The following ANO3 variants were observed in gnomAD, a reference collection of about 807,000 sequenced individuals.
ANO3 encodes anoctamin-3.
A neutral mutation model predicts 144.8 loss-of-function variants in ANO3; 99 were observed. That is an observed-to-expected ratio of 0.68 (90% CI 0.58 to 0.81). ANO3 has a LOEUF of 0.81. Ranked by LOEUF, ANO3 falls within the 30% of genes least tolerant of loss-of-function variation. ANO3 has a pLI of 0.00. For synonymous variants in ANO3, 414 were observed against 392.6 expected (o/e 1.05, Z -0.64); for missense variants, 905 against 1,202.2 (o/e 0.75, Z 3.66).
intron 1 of ANO3, among the ~76,000 whole-genome samples, chr11:26,232,107 T>C (rs1852412414): frequency 6.6e-6 from 1 of 152,230 alleles, no homozygotes; most frequent in Admixed American, 6.5e-5. Flanking sequence ...CAATTTTCTT[T>C]CTAGGGAACC....
chr11:26,512,167 T>C (rs1861689032), intron 5 of ANO3, among the ~76,000 whole-genome samples: 1 of 152,206 alleles, frequency 6.6e-6, no homozygotes, highest in Admixed American at 6.5e-5. Flanking sequence ...TGTGTTTCTC[T>C]TAGACTTGAA....
intron 1 of ANO3, among the ~76,000 whole-genome samples, chr11:26,317,465 C>T (rs1054545450): frequency 6.6e-6 from 1 of 151,894 alleles, no homozygotes; most frequent in Non-Finnish European, 1.5e-5. Context: ...TGAACAGACA[C>T]TTCTCAAAAG....
intron 4 of ANO3, among the ~76,000 whole-genome samples, chr11:26,483,736 T>G (rs1209192781): frequency 6.6e-6 from 1 of 152,188 alleles, no homozygotes; most frequent in Non-Finnish European, 1.5e-5. Flanking sequence ...GGTGGGGCAT[T>G]GCTATAAATA....
rs141968956 is a variant in ANO3 at position 26,256,857 on chromosome 11, C to T, written c.155-52788C>T. ...CACAGTTTGGAGGATTTTTGCTCTG[C>T]AGGGAATATTTGAAAATATCTGTGG... is the stretch of plus-strand genomic sequence containing the variant. On this transcript the variant is annotated intron_variant, in intron 1 of 27. Coordinates refer to the ANO3 transcript ENST00000672621. Among the ~76,000 whole-genome samples the T allele has an allele frequency of 4.5e-3, 679 of 152,056 alleles. 8 individuals are homozygous for T. The highest frequency in any genetic ancestry group is 0.015 in the African/African-American group (609 of 41,498).
chr11:26,432,932 T>G (rs531344967), intron 1 of ANO3, among the ~76,000 whole-genome samples: 2 of 152,336 alleles, frequency 1.3e-5, no homozygotes, highest in Admixed American at 6.5e-5. Context: ...TTTCTAATTA[T>G]GTGAAGAATA....
chr11:26,494,500 A>C (rs560568512), intron 4 of ANO3, among the ~76,000 whole-genome samples: 61 of 152,152 alleles, frequency 4.0e-4, no homozygotes, highest in Non-Finnish European at 7.6e-4. Context: ...TTTCAACTAC[A>C]CCTCATATTG....
chr11:26,660,292 G>A lies in ANO3; in HGVS notation c.2794G>A (p.Ala932Thr), dbSNP rs770630092. ...TGTTTTTGGGATTAAGTCATTCATC[G>A]CATACCTGATTCCAGACGTACCAAA... ...HLVFGIKSFIAYLIPDVPKGL... is the reference protein window; with the variant it reads ...HLVFGIKSFITYLIPDVPKGL... The change falls in exon 27 of 27, where the codon GCA becomes ACA. Residue 932 changes from alanine to threonine, a missense_variant. Ala to Thr is a moderately conservative substitution (Grantham distance 58). Transcript: ENST00000256737. The A allele has an allele frequency of 1.4e-5, 23 of 1,612,608 alleles. No homozygotes were observed. The highest frequency in any genetic ancestry group is 2.7e-5 in the African/African-American group (2 of 74,752).
chr11:26,315,686 C>CCATCTATCT (rs1564961787), intron 1 of ANO3, among the ~76,000 whole-genome samples: 14 of 108,336 alleles, frequency 1.3e-4, no homozygotes, highest in African/African-American at 3.2e-4. Flanking sequence ...TCTATCTATC[C>CCATCTATCT]ATCTATCTAT....
chr11:26,277,108 C>G (rs1003865935), intron 1 of ANO3, among the ~76,000 whole-genome samples: 1 of 151,990 alleles, frequency 6.6e-6, no homozygotes, highest in South Asian at 2.1e-4. Flanking sequence ...AGAAATAAAT[C>G]CATCCATATA....
At chr11:26,599,758 G>A in intron 17 of ANO3, 44 bp downstream of exon 17, 3 of 1,554,778 alleles carry the variant, frequency 1.9e-6, no homozygotes, top group South Asian at 2.4e-5. Flanking sequence ...AAAAAGGGGT[G>A]GAAAGGGGAG....
Position 26,563,393 on chromosome 11 carries a change from C to CTGTGTG in ANO3, c.1447+3615_1447+3616insGTGTGT, listed in dbSNP as rs764671965. On this transcript the variant is annotated intron_variant, in intron 14 of 26. Coordinates refer to ENST00000256737, the MANE Select transcript of ANO3 (RefSeq NM_031418.4). ...AAATTAGATAATGGTGTGTTTCTCT[C>CTGTGTG]TCTGTGTGTGTGTGTGTGTGTGTGT... 5,554 of 823,744 alleles carry CTGTGTG rather than the reference C, an allele frequency of 6.7e-3. 130 individuals carry two copies. Among genetic ancestry groups the CTGTGTG allele is most frequent in the South Asian group, 0.014 (621 of 45,990 alleles). The allele number at this position is 823,744 out of a possible 1,614,324, so 51.0% of individuals were successfully genotyped here.
intron 1 of ANO3, among the ~76,000 whole-genome samples, chr11:26,349,693 C>T (rs7118862): frequency 1.4e-3 from 208 of 152,176 alleles, no homozygotes; most frequent in African/African-American, 4.6e-3. Context: ...GGACCTCAGG[C>T]GCCCGCCACC....
At chr11:26,227,544 G>A (rs1327016809) in intron 1 of ANO3, among the ~76,000 whole-genome samples, 1 of 152,208 alleles carries the variant, frequency 6.6e-6, no homozygotes. Flanking sequence ...CAAAGATGAA[G>A]TAAGCAGTGA....
chr11:26,416,738 T>C (rs1857600384), intron 1 of ANO3, among the ~76,000 whole-genome samples: 1 of 152,002 alleles, frequency 6.6e-6, no homozygotes, highest in Non-Finnish European at 1.5e-5. Context: ...TTCAGTGAAA[T>C]TATTGGCTCT....
At chr11:26,331,413 G>C (rs1354617720), upstream of ANO3, 1 of 152,112 alleles carries the variant, frequency 6.6e-6, no homozygotes, top group African/African-American at 2.4e-5. Flanking sequence ...TTTGGGTATC[G>C]GGTGCCTTCT....
chr11:26,318,863 G>T (rs1174459405), intron 1 of ANO3, among the ~76,000 whole-genome samples: 4 of 152,178 alleles, frequency 2.6e-5, no homozygotes, highest in African/African-American at 7.2e-5. Flanking sequence ...AAATATATAA[G>T]AATTTGTTTT....
chr11:26,563,099 T>C (rs753399457), intron 14 of ANO3: 7 of 1,610,456 alleles, frequency 4.3e-6, no homozygotes, highest in Middle Eastern at 1.7e-4. Flanking sequence ...AGGTGAAGTA[T>C]TGAAAATAGA....
chr11:26,503,018 T>C (rs545478138), intron 4 of ANO3, among the ~76,000 whole-genome samples: 1 of 152,284 alleles, frequency 6.6e-6, no homozygotes, highest in South Asian at 2.1e-4. Flanking sequence ...ACATAAGCCA[T>C]AACTTGCATA....
intron 1 of ANO3, among the ~76,000 whole-genome samples, chr11:26,368,693 T>C (rs1856163939): frequency 6.6e-6 from 1 of 151,952 alleles, no homozygotes; most frequent in Non-Finnish European, 1.5e-5. Flanking sequence ...CGTGTGTGTA[T>C]GCATGCATTC....
Sources: allele counts gnomAD v4.1 joint callset (sites outside exome capture counted in the v4.1 genomes callset), GRCh38; gene constraint gnomAD v4.1.1; transcripts MANE v1.5; gene names NCBI Gene and HGNC (gene_info 2026-07-23, HGNC 2026-07-21).